TRHDE: variants seen among roughly 807,000 people sequenced by gnomAD.
TRHDE encodes thyrotropin releasing hormone degrading enzyme.
In TRHDE, 72 loss-of-function variants were observed where a neutral mutation model predicts 125.7. That is an observed-to-expected ratio of 0.57 (90% CI 0.47 to 0.70). TRHDE has a LOEUF of 0.70. TRHDE is among the 30% of genes least tolerant of loss of function. TRHDE has a pLI of 0.00. For missense variants in TRHDE, 1,110 were observed against 1,327.1 expected (o/e 0.84, Z 2.54); for synonymous variants, 509 against 509.1 (o/e 1.00, Z 0.00).
At chr12:72,221,680 T>G (rs1395403792) in intron 2 of TRHDE, among the ~76,000 whole-genome samples, 2 of 151,882 alleles carry the variant, frequency 1.3e-5, no homozygotes, top group African/African-American at 4.8e-5. Context: ...AAAGAACAAA[T>G]AGAAGGTGGA....
chr12:72,293,397 A>G (rs1592524555), intron 2 of TRHDE, among the ~76,000 whole-genome samples: 3 of 152,308 alleles, frequency 2.0e-5, no homozygotes, highest in Non-Finnish European at 1.5e-5. Context: ...AAAGTGATCA[A>G]GGTGTATCAA....
At chr12:72,546,104 C>T (rs888159891) in intron 7 of TRHDE, among the ~76,000 whole-genome samples, 3 of 151,582 alleles carry the variant, frequency 2.0e-5, no homozygotes, top group South Asian at 2.1e-4. Flanking sequence ...TCCTGCATTC[C>T]GATTCTTCAT....
At chr12:72,565,772 T>A (rs1870412509) in intron 9 of TRHDE, among the ~76,000 whole-genome samples, 1 of 151,930 alleles carries the variant, frequency 6.6e-6, no homozygotes, top group African/African-American at 2.4e-5. Context: ...ACTACCTTAA[T>A]ATAATCATTA....
At chr12:72,168,949 T>C (rs1038098267) in intron 2 of TRHDE, among the ~76,000 whole-genome samples, 4 of 152,236 alleles carry the variant, frequency 2.6e-5, no homozygotes, top group African/African-American at 9.6e-5. Context: ...TAATAAGTTA[T>C]TACATAAAAA....
At chr12:72,151,551 C>A (rs1444578989) in intron 2 of TRHDE, among the ~76,000 whole-genome samples, 5 of 151,792 alleles carry the variant, frequency 3.3e-5, no homozygotes, top group African/African-American at 1.2e-4. Context: ...AGTCTTTAAT[C>A]CATCTTGAAT....
At chr12:72,383,370 A>ATTTTTTT (rs552559387) in intron 3 of TRHDE, among the ~76,000 whole-genome samples, 15 of 100,936 alleles carry the variant, frequency 1.5e-4, no homozygotes, top group African/African-American at 3.4e-4. Flanking sequence ...AACCCATTTA[A>ATTTTTTT]TTTTTTTTTT....
intron 7 of TRHDE, 69 bp from the exon 8 acceptor site, chr12:72,562,096 G>C (rs2136010565): frequency 1.5e-6 from 1 of 651,314 alleles, no homozygotes; most frequent in Non-Finnish European, 2.7e-6. Flanking sequence ...ATTATTAATT[G>C]AGAAATAAAT....
At chr12:72,483,533 A>G (rs1877271272) in intron 5 of TRHDE, among the ~76,000 whole-genome samples, 1 of 152,004 alleles carries the variant, frequency 6.6e-6, no homozygotes, top group Non-Finnish European at 1.5e-5. Context: ...ATCATATTTT[A>G]ACATTTTTAT....
intron 12 of TRHDE, among the ~76,000 whole-genome samples, chr12:72,607,121 T>C (rs1273097867): frequency 6.6e-6 from 1 of 152,144 alleles, no homozygotes; most frequent in Non-Finnish European, 1.5e-5. Context: ...TAAAAAAAAT[T>C]TCCTTCCCAA....
chr12:72,215,339 G>A (rs1300190506), intron 2 of TRHDE, among the ~76,000 whole-genome samples: 1 of 152,082 alleles, frequency 6.6e-6, no homozygotes, highest in Non-Finnish European at 1.5e-5. Context: ...CATCAGTTAA[G>A]GTGGGGCAGG....
chr12:72,207,276 T>G (rs139236192), intron 2 of TRHDE, among the ~76,000 whole-genome samples: 1 of 152,308 alleles, frequency 6.6e-6, no homozygotes, highest in Non-Finnish European at 1.5e-5. Flanking sequence ...AGATCAAAAA[T>G]GCTTATTCTG....
chr12:72,108,936 C>A (rs1028141797), intron 2 of TRHDE, among the ~76,000 whole-genome samples: 3 of 151,976 alleles, frequency 2.0e-5, no homozygotes, highest in African/African-American at 7.3e-5. Flanking sequence ...CAATATAGAG[C>A]CATTTGCAAC....
intron 2 of TRHDE, among the ~76,000 whole-genome samples, chr12:72,136,754 G>A (rs1197897284): frequency 2.6e-5 from 4 of 152,216 alleles, no homozygotes; most frequent in African/African-American, 7.2e-5. Context: ...GAGGGTAGTC[G>A]TTGTATGGAG....
In TRHDE at chr12:72,499,481, C is replaced by T. The variant is rs1035371612; in HGVS notation, c.1585-17C>T. The stretch of plus-strand genomic sequence containing the variant: ...CTATGAATCACCTATGATATTGCCC[C>T]GTCTGCTGTATTGCAGGAAAAGCAG... On this transcript the variant is annotated splice_polypyrimidine_tract_variant and intron_variant, in intron 5 of 18. Transcript: ENST00000261180. 5.6e-6 allele frequency: 9 copies of T among 1,612,284 alleles called. No individual in the cohort carries two copies. The highest frequency in any genetic ancestry group is 2.7e-5 in the African/African-American group (2 of 74,828).
intron 6 of TRHDE, among the ~76,000 whole-genome samples, chr12:72,538,035 G>A (rs1868954480): frequency 6.6e-6 from 1 of 151,802 alleles, no homozygotes; most frequent in South Asian, 2.1e-4. Context: ...AGCTTTCCTG[G>A]AATCTTGCTT....
chr12:72,530,108 A>G (rs1019683553), intron 6 of TRHDE, among the ~76,000 whole-genome samples: 1 of 152,020 alleles, frequency 6.6e-6, no homozygotes, highest in East Asian at 1.9e-4. Flanking sequence ...CTACTCAATT[A>G]TTCTTCCCTC....
At chr12:72,553,072 A>T (rs984318426) in intron 7 of TRHDE, among the ~76,000 whole-genome samples, 1 of 152,180 alleles carries the variant, frequency 6.6e-6, no homozygotes, top group East Asian at 1.9e-4. Flanking sequence ...GAAGGTCAGT[A>T]GCTGAATGAA....
intron 3 of TRHDE, among the ~76,000 whole-genome samples, chr12:72,398,988 G>A (rs987908985): frequency 3.9e-5 from 6 of 152,192 alleles, no homozygotes; most frequent in African/African-American, 1.2e-4. Context: ...GTGGGAGGTG[G>A]CCAGTGAGCA....
At chr12:72,639,095 A>C (rs1391289096) in intron 15 of TRHDE, among the ~76,000 whole-genome samples, 5 of 150,602 alleles carry the variant, frequency 3.3e-5, no homozygotes, top group Admixed American at 6.6e-5. Context: ...TATCCTGCAG[A>C]GTGTTTTCCA....
Sources: gnomAD v4.1 joint callset for allele counts (sites outside exome capture counted in the v4.1 genomes callset) on GRCh38, gnomAD v4.1.1 for gene constraint, MANE v1.5 for transcripts, NCBI Gene and HGNC (gene_info 2026-07-23, HGNC 2026-07-21) for gene names.